FRMPD3: variants seen among roughly 807,000 people sequenced by gnomAD.
The protein encoded by FRMPD3 is FERM and PDZ domain containing 3, also known as FERM and PDZ domain-containing protein 3.
FRMPD3 carries 42 observed loss-of-function variants against 97.9 expected under a neutral mutation model. The ratio of observed to expected loss-of-function variants is 0.43; its 90% CI spans 0.34 to 0.55. The LOEUF is 0.55. FRMPD3 is among the 20% of genes least tolerant of loss of function. The pLI, the probability that FRMPD3 is intolerant of heterozygous loss-of-function variation, is 0.03. For missense variants in FRMPD3, 1,303 were observed against 1,457.7 expected, an observed-to-expected ratio of 0.89 and a Z score of 1.73; for synonymous variants, 577 against 581.1, an observed-to-expected ratio of 0.99 and a Z score of 0.10.
At chrX:107,542,753 T>C (rs1296957881) in intron 4 of FRMPD3, among the ~76,000 whole-genome samples, 1 of 112,117 alleles carries the variant, frequency 8.9e-6, no homozygotes, top group African/African-American at 3.2e-5. Flanking sequence ...GCAGTGTAAA[T>C]GGTAGATAAT....
chrX:107,568,956 A>G lies in FRMPD3; in HGVS notation c.1296+3890A>G, dbSNP rs762343540. Reference sequence around the variant, plus strand: ...GAGAGAGAGAGAGAGAGAGAGAACCATGGCTCCTTGCCTTCAAAAAGCTTA... The same window carrying G: ...GAGAGAGAGAGAGAGAGAGAGAACCGTGGCTCCTTGCCTTCAAAAAGCTTA... On this transcript the variant is annotated intron_variant, in intron 12 of 14. Coordinates refer to ENST00000683843, the MANE Select transcript of FRMPD3 (RefSeq NM_001388459.1). Among the ~76,000 whole-genome samples the G allele has an allele frequency of 7.7e-4, 83 of 108,314 alleles. 1 individual carries two copies. The highest frequency in any genetic ancestry group is 4.1e-3 in the East Asian group (14 of 3,383). The allele number at this position is 108,314 out of a possible 115,157, so 94.1% of individuals were successfully genotyped here.
chrX:107,482,649 A>G (rs1388351290), intron 1 of FRMPD3, among the ~76,000 whole-genome samples: 1 of 111,708 alleles, frequency 9.0e-6, no homozygotes, highest in Non-Finnish European at 1.9e-5. Flanking sequence ...TATCCAATGT[A>G]TATATAGGGA....
chrX:107,466,543 T>C (rs1931567069), intron 1 of FRMPD3, among the ~76,000 whole-genome samples: 1 of 112,300 alleles, frequency 8.9e-6, no homozygotes, highest in Admixed American at 9.4e-5. Context: ...ATTTTCAATT[T>C]CCCAGTCTAC....
At chrX:107,487,693 C>T (rs1450829391) in intron 1 of FRMPD3, among the ~76,000 whole-genome samples, 7 of 111,851 alleles carry the variant, frequency 6.3e-5, no homozygotes, top group African/African-American at 2.3e-4. Flanking sequence ...ACACCAGTTA[C>T]ACCAGAATCT....
intron 1 of FRMPD3, among the ~76,000 whole-genome samples, chrX:107,485,803 G>T (rs1569411233): frequency 8.9e-6 from 1 of 111,781 alleles, no homozygotes; most frequent in East Asian, 2.8e-4. Context: ...GGGATATAGG[G>T]AAAAGAGAAC....
chrX:107,568,780 T>C (rs1414740753), intron 12 of FRMPD3, among the ~76,000 whole-genome samples: 1 of 110,606 alleles, frequency 9.0e-6, no homozygotes, highest in Non-Finnish European at 1.9e-5. Context: ...CATGGCTTGC[T>C]GGGTGCAGTG....
chrX:107,560,412 C>T lies in FRMPD3; in HGVS notation c.899+19C>T, dbSNP rs1168930754. ...ATGTGGAGTGAGTTGTGCTGCGGCC[C>T]GTTGGGATGGGGGGCGAATAGTTGC... On this transcript the variant is annotated intron_variant, in intron 9 of 14. Transcript: ENST00000683843. The T allele has an allele frequency of 5.0e-6, 6 of 1,207,039 alleles. No homozygotes were observed. Among genetic ancestry groups the T allele is most frequent in the South Asian group, 3.5e-5 (2 of 56,569 alleles).
intron 2 of FRMPD3, among the ~76,000 whole-genome samples, chrX:107,528,955 T>C (rs1402022682): frequency 1.8e-5 from 2 of 113,189 alleles, no homozygotes; most frequent in African/African-American, 3.2e-5. Context: ...GCTCAAGTGA[T>C]GTATTTGTTG....
At chrX:107,474,341 G>A (rs1442255349) in intron 1 of FRMPD3, among the ~76,000 whole-genome samples, 1 of 111,316 alleles carries the variant, frequency 9.0e-6, no homozygotes, top group African/African-American at 3.3e-5. Context: ...CAGAATTGAG[G>A]CTTGGTCTAG....
At chrX:107,575,959 C>G (rs1923096537) in intron 12 of FRMPD3, among the ~76,000 whole-genome samples, 1 of 111,741 alleles carries the variant, frequency 8.9e-6, no homozygotes, top group Admixed American at 9.5e-5. Context: ...AATCTAAATT[C>G]CCAGCTTTAC....
chrX:107,544,257 G>A (rs996314294), intron 4 of FRMPD3, among the ~76,000 whole-genome samples: 1 of 111,603 alleles, frequency 9.0e-6, no homozygotes, highest in Non-Finnish European at 1.9e-5. Context: ...GGAGTGGGGA[G>A]ATGCTGTTCA....
At chrX:107,488,572 C>T (rs978334471) in intron 1 of FRMPD3, among the ~76,000 whole-genome samples, 35 of 111,917 alleles carry the variant, frequency 3.1e-4, no homozygotes, top group African/African-American at 1.0e-3. Flanking sequence ...ATAGAGACAC[C>T]GTTACCACAA....
intron 6 of FRMPD3, among the ~76,000 whole-genome samples, chrX:107,551,794 C>T (rs1316596115): frequency 8.9e-6 from 1 of 112,475 alleles, no homozygotes; most frequent in African/African-American, 3.2e-5. Context: ...CTCATCTGTC[C>T]CTGACAGAGC....
At chrX:107,595,729 G>A in intron 13 of FRMPD3, among the ~76,000 whole-genome samples, 1 of 110,384 alleles carries the variant, frequency 9.1e-6, no homozygotes. Flanking sequence ...TTGAGGTCAG[G>A]AGTTTGAGAC....
At chrX:107,587,781 A>G (rs1923724178) in intron 13 of FRMPD3, among the ~76,000 whole-genome samples, 1 of 111,413 alleles carries the variant, frequency 9.0e-6, no homozygotes, top group African/African-American at 3.3e-5. Context: ...ATTGGTCCTC[A>G]ATATTTTTTT....
chrX:107,517,837 G>A (rs1654939498), intron 1 of FRMPD3, among the ~76,000 whole-genome samples: 2 of 94,074 alleles, frequency 2.1e-5, no homozygotes, highest in Non-Finnish European at 4.3e-5. Flanking sequence ...AGGAAGGGAG[G>A]GAGGGAGGGA....
chrX:107,588,288 C>T (rs1217906337), intron 13 of FRMPD3, among the ~76,000 whole-genome samples: 7 of 105,439 alleles, frequency 6.6e-5, no homozygotes, highest in Non-Finnish European at 1.2e-4. Flanking sequence ...GAGTTTCACT[C>T]TTGTTGCCCA....
chrX:107,574,331 A>G (rs767788982), intron 12 of FRMPD3, among the ~76,000 whole-genome samples: 16 of 111,303 alleles, frequency 1.4e-4, no homozygotes, highest in Non-Finnish European at 2.3e-4. Flanking sequence ...GTGGCTAACT[A>G]TGGCCCATGA....
intron 1 of FRMPD3, among the ~76,000 whole-genome samples, chrX:107,515,240 A>C (rs970046108): frequency 9.0e-6 from 1 of 111,607 alleles, no homozygotes; most frequent in Admixed American, 9.5e-5. Flanking sequence ...CTGAGTTCCA[A>C]GGAACCCCAA....
Sources: gnomAD v4.1 joint callset for allele counts (sites outside exome capture counted in the v4.1 genomes callset) on GRCh38, gnomAD v4.1.1 for gene constraint, MANE v1.5 for transcripts, NCBI Gene and HGNC (gene_info 2026-07-23, HGNC 2026-07-21) for gene names.